CACNA2D1: variants seen among roughly 807,000 people sequenced by gnomAD.
CACNA2D1 encodes voltage-dependent calcium channel subunit alpha-2/delta-1.
Under a neutral mutation model 171.5 loss-of-function variants are expected in CACNA2D1, and 53 were observed. That is an observed-to-expected ratio of 0.31 (90% CI 0.25 to 0.39). CACNA2D1 has a LOEUF of 0.39. Ranked by LOEUF, CACNA2D1 falls within the 10% of genes least tolerant of loss-of-function variation. The pLI, the probability that CACNA2D1 is intolerant of heterozygous loss-of-function variation, is 1.00. For synonymous variants in CACNA2D1, 442 were observed against 443.1 expected (o/e 1.00, Z 0.03); for missense variants, 903 against 1,299.8 (o/e 0.69, Z 4.69).
intron 1 of CACNA2D1, among the ~76,000 whole-genome samples, chr7:82,350,878 G>C (rs955439585): frequency 3.3e-5 from 5 of 152,062 alleles, no homozygotes; most frequent in Admixed American, 3.3e-4. Context: ...GGTATGCAAT[G>C]GACATCTTAA....
At chr7:82,291,796 C>A (rs915784784) in intron 3 of CACNA2D1, among the ~76,000 whole-genome samples, 2 of 151,178 alleles carry the variant, frequency 1.3e-5, no homozygotes, top group African/African-American at 2.4e-5. Context: ...TGAGCCACTG[C>A]ACCCAGCCCA....
chr7:82,232,700 C>T (rs1405247376), intron 3 of CACNA2D1, among the ~76,000 whole-genome samples: 1 of 151,506 alleles, frequency 6.6e-6, no homozygotes, highest in East Asian at 1.9e-4. Context: ...CCCGTCTCTA[C>T]TAAAAATACA....
intron 4 of CACNA2D1, among the ~76,000 whole-genome samples, chr7:82,154,108 C>G (rs369722972): frequency 7.9e-5 from 12 of 152,036 alleles, no homozygotes; most frequent in Non-Finnish European, 8.8e-5. Context: ...ATAACCAAAG[C>G]CTGTAGGACC....
chr7:82,439,721 A>C (rs1019060872), intron 1 of CACNA2D1, among the ~76,000 whole-genome samples: 11 of 151,406 alleles, frequency 7.3e-5, no homozygotes, highest in Non-Finnish European at 1.5e-4. Context: ...ACTTACGTGG[A>C]AAAATATATC....
At chr7:82,334,206 A>T (rs529670201) in intron 3 of CACNA2D1, among the ~76,000 whole-genome samples, 1 of 152,188 alleles carries the variant, frequency 6.6e-6, no homozygotes, top group Non-Finnish European at 1.5e-5. Flanking sequence ...CAGAATATGT[A>T]TCAATGTGGG....
intron 7 of CACNA2D1, among the ~76,000 whole-genome samples, chr7:82,071,238 A>G (rs1487801504): frequency 6.6e-6 from 1 of 152,200 alleles, no homozygotes; most frequent in Non-Finnish European, 1.5e-5. Flanking sequence ...TGTTTTAGAC[A>G]AGATAGTTAA....
intron 3 of CACNA2D1, among the ~76,000 whole-genome samples, chr7:82,303,233 G>A (rs1182137725): frequency 6.6e-6 from 1 of 151,978 alleles, no homozygotes; most frequent in Admixed American, 6.6e-5. Context: ...TCCTGACCTT[G>A]TGATCTGCCC....
Position 82,288,422 on chromosome 7 carries a change from TACACACACACAC to T in CACNA2D1, c.294+46701_294+46712del, listed in dbSNP as rs3054677. 3.5e-3 allele frequency among the ~76,000 whole-genome samples: 513 copies of T among 147,376 alleles called. 5 individuals are homozygous for T. The highest frequency in any genetic ancestry group is 0.012 in the African/African-American group (466 of 40,132). On this transcript the variant is annotated intron_variant, in intron 3 of 38. Transcript: ENST00000356860. ...TAAAAGATGTATTATTTTGCTTCTA[TACACACACACAC>T]ACACACACACACACACACACACACA...
chr7:82,150,440 T>A (rs931426875), intron 4 of CACNA2D1, among the ~76,000 whole-genome samples: 9 of 148,546 alleles, frequency 6.1e-5, no homozygotes, highest in African/African-American at 2.0e-4. Flanking sequence ...AAAAAAAAAA[T>A]TGAAATCTCT....
At chr7:82,194,168 CAG>C (rs1254685748) in intron 3 of CACNA2D1, among the ~76,000 whole-genome samples, 1 of 152,016 alleles carries the variant, frequency 6.6e-6, no homozygotes, top group Non-Finnish European at 1.5e-5. Flanking sequence ...GAGCCAGTGA[CAG>C]AGTGTGAATC....
intron 3 of CACNA2D1, among the ~76,000 whole-genome samples, chr7:82,286,289 G>C (rs1810756453): frequency 6.6e-6 from 1 of 152,004 alleles, no homozygotes. Flanking sequence ...TCTTATCACT[G>C]TCCCTGTTGG....
intron 5 of CACNA2D1, among the ~76,000 whole-genome samples, chr7:82,134,466 C>G (rs1480592202): frequency 6.6e-6 from 1 of 152,098 alleles, no homozygotes; most frequent in African/African-American, 2.4e-5. Flanking sequence ...TTGCACGAAA[C>G]AACACTCTTT....
At chr7:82,107,666 C>T (rs1241466075) in intron 6 of CACNA2D1, among the ~76,000 whole-genome samples, 1 of 150,922 alleles carries the variant, frequency 6.6e-6, no homozygotes, top group African/African-American at 2.4e-5. Flanking sequence ...TCACTGCAAC[C>T]TCCACCTCCC....
chr7:82,029,651 A>G lies in CACNA2D1; in HGVS notation c.1143+3146T>C, dbSNP rs570612825. Reference sequence around the variant, plus strand: ...CTTTATGTAAGAGAGGTCATGCCAAAGCTATATACATGGTTCCTTGTTCCT... The same window carrying G: ...CTTTATGTAAGAGAGGTCATGCCAAGGCTATATACATGGTTCCTTGTTCCT... On this transcript the variant is annotated intron_variant, in intron 12 of 38. Coordinates refer to ENST00000356860, the MANE Select transcript of CACNA2D1 (RefSeq NM_000722.4). 6 of 151,910 alleles carry G rather than the reference A, an allele frequency of 3.9e-5. No homozygotes were observed. In the South Asian group the frequency reaches 6.2e-4, roughly 16 times the overall value. 9.4% of individuals were successfully genotyped at this position (151,910 alleles called of 1,614,324 possible).
At chr7:82,381,083 T>G (rs981279254) in intron 1 of CACNA2D1, among the ~76,000 whole-genome samples, 1 of 151,664 alleles carries the variant, frequency 6.6e-6, no homozygotes, top group Non-Finnish European at 1.5e-5. Context: ...GAGGCCGAGG[T>G]GGGCGGATCA....
At chr7:81,950,585 TCA>T in intron 38 of CACNA2D1, 77 bp from the exon 39 acceptor site, 10 of 1,519,946 alleles carry the variant, frequency 6.6e-6, no homozygotes, top group Non-Finnish European at 8.8e-6. Flanking sequence ...AACACATCTT[TCA>T]GAGTAATCCA....
chr7:82,065,355 T>C (rs1395402635), intron 8 of CACNA2D1, among the ~76,000 whole-genome samples: 2 of 152,110 alleles, frequency 1.3e-5, no homozygotes, highest in African/African-American at 4.8e-5. Context: ...GGTCCAGGTA[T>C]GCCACTCAGT....
At chr7:82,060,220 ATAATATAT>A (rs1562982398) in intron 10 of CACNA2D1, among the ~76,000 whole-genome samples, 200 bp downstream of exon 10, 2 of 61,030 alleles carry the variant, frequency 3.3e-5, no homozygotes, top group Non-Finnish European at 5.8e-5. Context: ...TAATATATAT[ATAATATAT>A]ATATATAATA....
At chr7:82,234,531 T>G (rs1312736577) in intron 3 of CACNA2D1, among the ~76,000 whole-genome samples, 1 of 152,116 alleles carries the variant, frequency 6.6e-6, no homozygotes, top group Admixed American at 6.5e-5. Flanking sequence ...ATTGCCTCTG[T>G]AACAATTTTA....
Sources: allele counts gnomAD v4.1 joint callset (sites outside exome capture counted in the v4.1 genomes callset), GRCh38; gene constraint gnomAD v4.1.1; transcripts MANE v1.5; gene names NCBI Gene and HGNC (gene_info 2026-07-23, HGNC 2026-07-21).